The following METTL16 variants were observed in gnomAD, a reference collection of about 807,000 sequenced individuals.
METTL16 encodes RNA N(6)-adenosine-methyltransferase METTL16.
In METTL16, 19 loss-of-function variants were observed where a neutral mutation model predicts 57.9. That is an observed-to-expected ratio of 0.33 (90% CI 0.23 to 0.48). METTL16 has a LOEUF of 0.48. METTL16 is among the 20% of genes least tolerant of loss of function. The pLI is 0.99. For missense variants in METTL16, 434 were observed against 691.5 expected, an observed-to-expected ratio of 0.63 and a Z score of 4.18; for synonymous variants, 246 against 255.6, an observed-to-expected ratio of 0.96 and a Z score of 0.36.
rs757397439 is a variant in METTL16 at position 2,441,575 on chromosome 17, T to C, written c.729-16A>G. ...GCTATACCATCTAGGAAAAAAAAAA[T>C]CAGACAAGTAAATACGGTTTATGTG... is the stretch of plus-strand genomic sequence containing the variant. On this transcript the variant is annotated splice_polypyrimidine_tract_variant and intron_variant, in intron 6 of 9. Coordinates refer to ENST00000263092, the MANE Select transcript of METTL16 (RefSeq NM_024086.4). The C allele has an allele frequency of 6.6e-7, 1 of 1,520,798 alleles. No homozygotes were observed. Among genetic ancestry groups the C allele is most frequent in the Non-Finnish European group, 8.9e-7 (1 of 1,126,192 alleles). The allele number at this position is 1,520,798 out of a possible 1,614,324, so 94.2% of individuals were successfully genotyped here. A position where few individuals can be genotyped will look rare whatever the true frequency, so the allele number is the denominator to read the frequency against.
At chr17:2,485,304 C>A (rs557836574) in intron 2 of METTL16, among the ~76,000 whole-genome samples, 1 of 151,962 alleles carries the variant, frequency 6.6e-6, no homozygotes, top group Non-Finnish European at 1.5e-5. Flanking sequence ...AAACAAGCTG[C>A]GGGAAAACAA....
chr17:2,422,029 C>T (rs981504114), intron 8 of METTL16, among the ~76,000 whole-genome samples: 1 of 152,116 alleles, frequency 6.6e-6, no homozygotes, highest in Non-Finnish European at 1.5e-5. Flanking sequence ...CCAATGGCAC[C>T]TGCCGGGCGC....
intron 6 of METTL16, chr17:2,459,952 G>C (rs1350672414): frequency 6.6e-6 from 1 of 152,204 alleles, no homozygotes; most frequent in Non-Finnish European, 1.5e-5. Flanking sequence ...AGTGAGCTGA[G>C]ATCACACCAT....
At chr17:2,499,066 A>G (rs1035436461) in intron 2 of METTL16, among the ~76,000 whole-genome samples, 3 of 151,560 alleles carry the variant, frequency 2.0e-5, no homozygotes, top group Non-Finnish European at 4.4e-5. Flanking sequence ...TCTAAATCCC[A>G]AAGTCAGGGT....
At chr17:2,447,853 G>C (rs2067020517) in intron 6 of METTL16, among the ~76,000 whole-genome samples, 1 of 97,906 alleles carries the variant, frequency 1.0e-5, no homozygotes, top group Non-Finnish European at 1.9e-5. Context: ...GAGGGAGGTG[G>C]GGGGTCAGCC....
intron 1 of METTL16, among the ~76,000 whole-genome samples, chr17:2,506,300 T>TCTCCCC (rs1567909151): frequency 1.0e-5 from 1 of 100,436 alleles, no homozygotes; most frequent in African/African-American, 3.9e-5. Flanking sequence ...TCCCTCTCCC[T>TCTCCCC]CTCCCCCTCT....
intron 5 of METTL16, among the ~76,000 whole-genome samples, chr17:2,466,890 C>T (rs1344483827): frequency 1.3e-5 from 2 of 151,894 alleles, no homozygotes; most frequent in African/African-American, 4.8e-5. Flanking sequence ...GCAACCTGCA[C>T]CTCCTGGGCT....
chr17:2,483,674 C>G (rs2067322562), intron 2 of METTL16, among the ~76,000 whole-genome samples: 1 of 152,162 alleles, frequency 6.6e-6, no homozygotes, highest in Admixed American at 6.6e-5. Context: ...TTTGCACTAT[C>G]TTTGTATTTC....
At chr17:2,483,119 A>C (rs538336810) in intron 2 of METTL16, among the ~76,000 whole-genome samples, 231 of 152,272 alleles carry the variant, frequency 1.5e-3, no homozygotes, top group Non-Finnish European at 2.5e-3. Context: ...AGATTACAAA[A>C]GACAAAACCA....
At chr17:2,428,059 A>G (rs985757885) in intron 8 of METTL16, among the ~76,000 whole-genome samples, 13 of 151,698 alleles carry the variant, frequency 8.6e-5, no homozygotes, top group Non-Finnish European at 1.5e-4. Context: ...AGGGGAGAGG[A>G]GGAAAGGAAA....
chr17:2,502,505 G>A (rs926809270), intron 1 of METTL16, among the ~76,000 whole-genome samples, 174 bp from the exon 2 acceptor site: 6 of 151,984 alleles, frequency 3.9e-5, no homozygotes, highest in African/African-American at 1.4e-4. Flanking sequence ...TGGGATGAAA[G>A]CCCGTCTCTA....
At chr17:2,434,212 A>G (rs2066894283) in intron 8 of METTL16, among the ~76,000 whole-genome samples, 1 of 152,070 alleles carries the variant, frequency 6.6e-6, no homozygotes, top group African/African-American at 2.4e-5. Context: ...ACTTCTTTTT[A>G]TTTTGAGACC....
At chr17:2,426,128 G>A (rs376485727) in intron 8 of METTL16, among the ~76,000 whole-genome samples, 4 of 151,926 alleles carry the variant, frequency 2.6e-5, no homozygotes, top group Admixed American at 6.5e-5. Context: ...AATCTGGTGC[G>A]CACGAAGCCA....
intron 1 of METTL16, among the ~76,000 whole-genome samples, chr17:2,509,082 G>A (rs776263330): frequency 2.6e-5 from 4 of 152,110 alleles, no homozygotes; most frequent in Non-Finnish European, 5.9e-5. Flanking sequence ...CCATCTACAC[G>A]CTTTCAAAGC....
chr17:2,463,866 C>A (rs1364754346), intron 6 of METTL16, among the ~76,000 whole-genome samples: 1 of 151,924 alleles, frequency 6.6e-6, no homozygotes, highest in African/African-American at 2.4e-5. Context: ...GAGCCTCATG[C>A]CTATAATTCC....
chr17:2,476,182 G>A (rs2067267407), intron 3 of METTL16, among the ~76,000 whole-genome samples: 1 of 152,208 alleles, frequency 6.6e-6, no homozygotes, highest in Non-Finnish European at 1.5e-5. Context: ...CAGGATTAGG[G>A]AAACAGAGTG....
intron 7 of METTL16, among the ~76,000 whole-genome samples, chr17:2,439,615 T>G (rs2066932941): frequency 6.6e-6 from 1 of 152,044 alleles, no homozygotes; most frequent in South Asian, 2.1e-4. Context: ...TGAACTTGTC[T>G]TGGAGGCATA....
chr17:2,489,593 G>C (rs1406060893), intron 2 of METTL16, among the ~76,000 whole-genome samples: 3 of 151,796 alleles, frequency 2.0e-5, no homozygotes, highest in Non-Finnish European at 4.4e-5. Context: ...AAAAAAATTA[G>C]CTGGGCGTGG....
intron 6 of METTL16, among the ~76,000 whole-genome samples, chr17:2,461,177 A>T (rs559906970): frequency 6.6e-6 from 1 of 152,178 alleles, no homozygotes; most frequent in Non-Finnish European, 1.5e-5. Context: ...ACATGGTGAA[A>T]CCCCAACACT....
Sources: allele counts gnomAD v4.1 joint callset (sites outside exome capture counted in the v4.1 genomes callset), GRCh38; gene constraint gnomAD v4.1.1; transcripts MANE v1.5; gene names NCBI Gene and HGNC (gene_info 2026-07-23, HGNC 2026-07-21).